The following RYR2 variants were observed in gnomAD, a reference collection of about 807,000 sequenced individuals.
The protein encoded by RYR2 is cardiac muscle ryanodine receptor-calcium release channel.
In RYR2, 227 loss-of-function variants were observed where a neutral mutation model predicts 601.1. The ratio of observed to expected loss-of-function variants is 0.38; its 90% CI spans 0.34 to 0.42. The LOEUF is 0.42. RYR2 is among the 10% of genes least tolerant of loss of function. RYR2 has a pLI of 1.00. For synonymous variants in RYR2, 2,223 were observed against 2,175.1 expected, an observed-to-expected ratio of 1.02 and a Z score of -0.61; for missense variants, 4,646 against 6,156.5, an observed-to-expected ratio of 0.75 and a Z score of 8.21.
At chr1:237,624,086 T>C (rs1214856699) in intron 39 of RYR2, among the ~76,000 whole-genome samples, 1 of 152,172 alleles carries the variant, frequency 6.6e-6, no homozygotes, top group Non-Finnish European at 1.5e-5. Flanking sequence ...GCAGTTAAAC[T>C]GAGCAGAAGA....
chr1:237,558,357 A>G (rs762647396), intron 27 of RYR2, among the ~76,000 whole-genome samples: 1 of 152,220 alleles, frequency 6.6e-6, no homozygotes, highest in Non-Finnish European at 1.5e-5. Context: ...AGCCTTGAAG[A>G]GAGCAGTAAA....
Position 237,042,582 on chromosome 1 carries a change from C to A in RYR2, c.48+13C>A, listed in dbSNP as rs1353592562. 1.6e-6 allele frequency: 2 copies of A among 1,257,670 alleles called. No individual in the cohort carries two copies. The highest frequency in any genetic ancestry group is 2.0e-6 in the Non-Finnish European group (2 of 993,370). 77.9% of individuals were successfully genotyped at this position (1,257,670 alleles called of 1,614,324 possible). ...GTTCCTGCGAACTGTAAGCGCCGTG[C>A]GTCGCGTGTGCTGTCAGGGGAAGGG... is the stretch of plus-strand genomic sequence containing the variant. On this transcript the variant is annotated intron_variant, in intron 1 of 104. Coordinates refer to ENST00000366574, the MANE Select transcript of RYR2 (RefSeq NM_001035.3).
At position 237,522,744 on chromosome 1, in the gene RYR2, C is replaced by T. The variant is rs534252099; in HGVS notation, c.2823-7683C>T. On this transcript the variant is annotated intron_variant, in intron 24 of 104. Coordinates refer to ENST00000366574, the MANE Select transcript of RYR2 (RefSeq NM_001035.3). Reference sequence around the variant, plus strand: ...ATACCAAATGCCTACCTACAGGGTGCCTCACATTTGCTTCCTAACAGTCTG... The same window carrying T: ...ATACCAAATGCCTACCTACAGGGTGTCTCACATTTGCTTCCTAACAGTCTG... Among the ~76,000 whole-genome samples, 3 of 152,268 alleles carry T rather than the reference C, an allele frequency of 2.0e-5. No homozygotes were observed. The South Asian group carries it at 6.2e-4, about 32-fold the overall frequency.
At chr1:237,073,682 C>T (rs1664655130) in intron 1 of RYR2, among the ~76,000 whole-genome samples, 1 of 151,970 alleles carries the variant, frequency 6.6e-6, no homozygotes, top group South Asian at 2.1e-4. Context: ...CCAGCTTGGC[C>T]AACATGGCAA....
chr1:237,107,519 C>CAAAA (rs71561857), intron 1 of RYR2, among the ~76,000 whole-genome samples: 3 of 38,912 alleles, frequency 7.7e-5, no homozygotes, highest in African/African-American at 1.4e-4. Context: ...GACTCCATCT[C>CAAAA]AAAAAAAAAA....
intron 6 of RYR2, among the ~76,000 whole-genome samples, chr1:237,370,826 A>G (rs1037425471): frequency 6.6e-6 from 1 of 151,858 alleles, no homozygotes; most frequent in Non-Finnish European, 1.5e-5. Flanking sequence ...ACACCCAGCT[A>G]ATTTTTTGTA....
Position 237,759,772 on chromosome 1 carries a change from A to G in RYR2, c.11326-4A>G, listed in dbSNP as rs727504876. On this transcript the variant is annotated splice_region_variant and splice_polypyrimidine_tract_variant and intron_variant, in intron 82 of 104. Coordinates refer to ENST00000366574, the MANE Select transcript of RYR2 (RefSeq NM_001035.3). ...TGGCCACGTGGTTTCTATAATTCCCATAGAAAATGCTTGACTACCTCAAGG... is the reference window on the plus strand; with the variant it reads ...TGGCCACGTGGTTTCTATAATTCCCGTAGAAAATGCTTGACTACCTCAAGG... The G allele has an allele frequency of 4.2e-5, 68 of 1,603,644 alleles. No individual in the cohort carries two copies. In the South Asian group the frequency reaches 5.1e-4, roughly 12 times the overall value.
At chr1:237,666,617 T>A in intron 57 of RYR2, 28 bp downstream of exon 57, 1 of 1,551,328 alleles carries the variant, frequency 6.4e-7, no homozygotes, top group Non-Finnish European at 8.8e-7. Flanking sequence ...TTAAAAATAG[T>A]CTCCAAATTT....
chr1:237,729,444 G>GC (rs1331241800), intron 76 of RYR2, among the ~76,000 whole-genome samples: 3 of 152,092 alleles, frequency 2.0e-5, no homozygotes, highest in Non-Finnish European at 4.4e-5. Flanking sequence ...GTTGGCAGTT[G>GC]CCCCCTCTGA....
chr1:237,630,439 C>T (rs1388621160), intron 41 of RYR2, among the ~76,000 whole-genome samples: 1 of 152,016 alleles, frequency 6.6e-6, no homozygotes, highest in Non-Finnish European at 1.5e-5. Flanking sequence ...TATCTAAAAG[C>T]CCTGTTCATT....
chr1:237,733,714 G>A lies in RYR2; in HGVS notation c.11049G>A (p.Glu3683=), dbSNP rs757529758. ...RTALTEKCKL[E]EDFLYMAYAD... is the part of the protein sequence containing the mutation. Reference sequence around the variant, plus strand: ...TTCTTGCTTTCCCCAGCAAACTGGAGGAAGATTTTTTATATATGGCCTATG... The same window carrying A: ...TTCTTGCTTTCCCCAGCAAACTGGAAGAAGATTTTTTATATATGGCCTATG... Residue 3683 remains glutamate (E), a synonymous_variant, in exon 79 of 105, where the codon GAG becomes GAA. Transcript: ENST00000366574. 1.9e-6 allele frequency: 3 copies of A among 1,609,756 alleles called. No individual in the cohort carries two copies. The highest frequency in any genetic ancestry group is 1.7e-6 in the Non-Finnish European group (2 of 1,176,718).
At chr1:237,461,459 C>T (rs1659470495) in intron 16 of RYR2, among the ~76,000 whole-genome samples, 1 of 152,058 alleles carries the variant, frequency 6.6e-6, no homozygotes, top group Non-Finnish European at 1.5e-5. Context: ...CACCAGCAAC[C>T]AGATGTTGCT....
intron 1 of RYR2, among the ~76,000 whole-genome samples, chr1:237,101,314 A>AC (rs963215162): frequency 9.9e-5 from 14 of 141,394 alleles, no homozygotes; most frequent in South Asian, 2.6e-4. Flanking sequence ...AAAAAAAAAA[A>AC]AAAAAAAAAA....
At chr1:237,061,713 C>T (rs1285741183) in intron 1 of RYR2, among the ~76,000 whole-genome samples, 1 of 152,074 alleles carries the variant, frequency 6.6e-6, no homozygotes, top group Non-Finnish European at 1.5e-5. Flanking sequence ...TGCTTTTCCC[C>T]CCTCTGTTAC....
chr1:237,437,275 A>G (rs1477761272), intron 12 of RYR2, among the ~76,000 whole-genome samples: 2 of 151,936 alleles, frequency 1.3e-5, no homozygotes, highest in Admixed American at 1.3e-4. Flanking sequence ...GATGGTCTTG[A>G]TCTCCTGACC....
intron 18 of RYR2, 116 bp downstream of exon 18, chr1:237,492,040 A>T: frequency 1.6e-6 from 1 of 618,714 alleles, no homozygotes; most frequent in Non-Finnish European, 2.9e-6. Flanking sequence ...TTAATCTCTT[A>T]ATTATTTTTT....
intron 35 of RYR2, among the ~76,000 whole-genome samples, chr1:237,607,469 A>G (rs1389973662): frequency 6.6e-6 from 1 of 152,156 alleles, no homozygotes; most frequent in Non-Finnish European, 1.5e-5. Flanking sequence ...AGATATACCT[A>G]ATGTAAATGA....
At chr1:237,172,058 G>A (rs1363204497) in intron 1 of RYR2, among the ~76,000 whole-genome samples, 1 of 152,226 alleles carries the variant, frequency 6.6e-6, no homozygotes, top group Non-Finnish European at 1.5e-5. Flanking sequence ...GAGAAGAGAG[G>A]AGGAAATTAA....
intron 1 of RYR2, among the ~76,000 whole-genome samples, chr1:237,175,915 C>T (rs767387344): frequency 6.5e-4 from 99 of 152,220 alleles, no homozygotes; most frequent in Non-Finnish European, 8.5e-4. Flanking sequence ...ACATTGTAGA[C>T]GTGATGTGTT....
Sources: gnomAD v4.1 joint callset for allele counts (sites outside exome capture counted in the v4.1 genomes callset) on GRCh38, gnomAD v4.1.1 for gene constraint, MANE v1.5 for transcripts, NCBI Gene and HGNC (gene_info 2026-07-23, HGNC 2026-07-21) for gene names.